Variants in NRTN observed in about 807,000 individuals in gnomAD.
NRTN encodes prepro-neurturin.
In NRTN, 3 loss-of-function variants were observed where a neutral mutation model predicts 7.5. The ratio of observed to expected loss-of-function variants is 0.40; its 90% CI spans 0.18 to 1.03. The LOEUF (loss-of-function observed/expected upper bound fraction) is 1.03, where lower values mean the gene tolerates loss of function less well. NRTN is among the 50% of genes least tolerant of loss of function. The probability of loss-of-function intolerance (pLI) is 0.34; values close to 1 mark genes in which losing one functional copy is unlikely to be tolerated. For missense variants in NRTN, 310 were observed against 307.0 expected (o/e 1.01, Z -0.07); for synonymous variants, 157 against 146.6 (o/e 1.07, Z -0.51).
At chr19:5,824,895 G>C (rs902939981) in intron 2 of NRTN, among the ~76,000 whole-genome samples, 1 of 152,128 alleles carries the variant, frequency 6.6e-6, no homozygotes, top group Non-Finnish European at 1.5e-5. Flanking sequence ...GGGGTCTTTC[G>C]GCTCAGCTGT....
intron 2 of NRTN, among the ~76,000 whole-genome samples, chr19:5,824,936 C>T (rs1024600656): frequency 1.8e-4 from 28 of 152,030 alleles, no homozygotes; most frequent in Admixed American, 7.9e-4. Flanking sequence ...CCTGAGGTCC[C>T]GTGGGGGCCA....
At chr19:5,813,907 C>G (rs140995817) in intron 1 of NRTN, among the ~76,000 whole-genome samples, 1 of 152,006 alleles carries the variant, frequency 6.6e-6, no homozygotes, top group African/African-American at 2.4e-5. Context: ...GCTTGGGAGG[C>G]TGAGGCAGGA....
intron 1 of NRTN, among the ~76,000 whole-genome samples, chr19:5,814,558 C>A (rs550389650): frequency 6.6e-6 from 1 of 152,054 alleles, no homozygotes; most frequent in African/African-American, 2.4e-5. Context: ...CTGGGGAGTT[C>A]GGTGGGAAGG....
At chr19:5,824,970 C>G (rs147781137) in intron 2 of NRTN, among the ~76,000 whole-genome samples, 2 of 151,930 alleles carry the variant, frequency 1.3e-5, no homozygotes, top group Non-Finnish European at 2.9e-5. Context: ...CCTGGGCATT[C>G]GCCTGGTTGG....
At chr19:5,818,643 C>T (rs2057013654) in intron 1 of NRTN, among the ~76,000 whole-genome samples, 1 of 152,042 alleles carries the variant, frequency 6.6e-6, no homozygotes, top group African/African-American at 2.4e-5. Flanking sequence ...CCTGTACCTA[C>T]AAATGTGTGT....
At chr19:5,814,627 A>G (rs2056999617) in intron 1 of NRTN, among the ~76,000 whole-genome samples, 1 of 152,214 alleles carries the variant, frequency 6.6e-6, no homozygotes, top group Admixed American at 6.5e-5. Context: ...ATTTCCTGGC[A>G]TCACCAAGGA....
Position 5,824,213 on chromosome 19 carries a change from C to T in NRTN, c.48C>T (p.Ser16=), listed in dbSNP as rs764835296. ...AAALASVLCS[S]VLSIWMCREG... is the part of the protein sequence containing the mutation. ...CCTTGGCCTCAGTGCTCTGCAGCTC[C>T]GTGCTGTCCATCTGGATGTGTCGAG... Residue 16 remains serine, a synonymous_variant, in exon 2 of 3, where the codon TCC becomes TCT. Coordinates refer to ENST00000303212, the MANE Select transcript of NRTN (RefSeq NM_004558.5). 8 of 1,611,880 alleles carry T rather than the reference C, an allele frequency of 5.0e-6. No homozygotes were observed. The highest frequency in any genetic ancestry group is 5.9e-6 in the Non-Finnish European group (7 of 1,179,936).
At position 5,827,945 on chromosome 19, in the gene NRTN, C is replaced by G; in HGVS notation, c.366C>G (p.Asp122Glu). 6.7e-7 allele frequency: 1 copy of G among 1,485,678 alleles called. No individual in the cohort carries two copies. The highest frequency in any genetic ancestry group is 1.3e-5 in the South Asian group (1 of 77,784). The allele number at this position is 1,485,678 out of a possible 1,614,324, so 92.0% of individuals were successfully genotyped here. A position where few individuals can be genotyped will look rare whatever the true frequency, so the allele number is the denominator to read the frequency against. Reference sequence around the variant, plus strand: ...AGCTGGGCCTGGGCTACGCGTCCGACGAGACGGTGCTGTTCCGCTACTGCG... The same window carrying G: ...AGCTGGGCCTGGGCTACGCGTCCGAGGAGACGGTGCTGTTCCGCTACTGCG... Reference protein sequence around the residue: ...VSELGLGYASDETVLFRYCAG... With the variant: ...VSELGLGYASEETVLFRYCAG... Residue 122 changes from aspartate to glutamate, a missense_variant, in exon 3 of 3, where the codon GAC (aspartate) becomes GAG (glutamate). Asp to Glu is a conservative substitution (Grantham distance 45, BLOSUM62 2). Coordinates refer to ENST00000303212, the MANE Select transcript of NRTN (RefSeq NM_004558.5).
intron 1 of NRTN, among the ~76,000 whole-genome samples, chr19:5,815,299 G>GT (rs1008622406): frequency 6.6e-5 from 10 of 152,126 alleles, no homozygotes; most frequent in Non-Finnish European, 1.3e-4. Context: ...TCATGCTTGA[G>GT]TGTGAGTGTG....
chr19:5,808,302 C>T (rs1311584342), intron 1 of NRTN, among the ~76,000 whole-genome samples: 1 of 152,212 alleles, frequency 6.6e-6, no homozygotes, highest in Admixed American at 6.5e-5. Context: ...CTTAGCCATG[C>T]CAGGCCTCAT....
chr19:5,819,469 C>A (rs978094495), intron 1 of NRTN, among the ~76,000 whole-genome samples: 2 of 152,130 alleles, frequency 1.3e-5, no homozygotes. Context: ...CAAGACTAAC[C>A]TGACCAACAT....
Position 5,824,065 on chromosome 19 carries a change from A to T in NRTN, c.-101A>T, listed in dbSNP as rs1024815911. 1.4e-6 allele frequency: 2 copies of T among 1,476,536 alleles called. No homozygotes were observed. Among genetic ancestry groups the T allele is most frequent in the Admixed American group, 1.7e-5 (1 of 59,074 alleles). The allele number at this position is 1,476,536 out of a possible 1,614,324, so 91.5% of individuals were successfully genotyped here. ...GACCATTCGGCAGGCGTTCAAAGTC[A>T]AAGGCCCCACACTGAGTCCTGGCCC... is the stretch of plus-strand genomic sequence containing the variant. On this transcript the variant is annotated 5_prime_UTR_variant, in exon 2 of 3. Transcript: ENST00000303212.
At chr19:5,807,956 C>T (rs113084715) in intron 1 of NRTN, among the ~76,000 whole-genome samples, 2 of 152,114 alleles carry the variant, frequency 1.3e-5, no homozygotes, top group South Asian at 2.1e-4. Context: ...GGTGGCATCC[C>T]CCTCTGGTCC....
At chr19:5,821,127 C>T (rs1421371346) in intron 1 of NRTN, among the ~76,000 whole-genome samples, 1 of 152,142 alleles carries the variant, frequency 6.6e-6, no homozygotes, top group Non-Finnish European at 1.5e-5. Context: ...GTGAATCTAG[C>T]CCCATTCAGG....
At chr19:5,820,340 G>A (rs1290023002) in intron 1 of NRTN, among the ~76,000 whole-genome samples, 1 of 147,498 alleles carries the variant, frequency 6.8e-6, no homozygotes, top group Non-Finnish European at 1.5e-5. Flanking sequence ...GCTGAGGTGG[G>A]TATATCACAA....
chr19:5,810,561 T>C (rs947883836), intron 1 of NRTN, among the ~76,000 whole-genome samples: 9 of 152,216 alleles, frequency 5.9e-5, no homozygotes, highest in Non-Finnish European at 1.2e-4. Context: ...CTCATCACAG[T>C]GTCTGCCTCT....
intron 2 of NRTN, among the ~76,000 whole-genome samples, chr19:5,825,939 T>C (rs187280585): frequency 2.2e-4 from 33 of 152,066 alleles, no homozygotes; most frequent in African/African-American, 3.9e-4. Context: ...TGGAGACCAT[T>C]CTGGCTAACA....
rs571144736 is a variant in NRTN, at chr19:5,818,870, C to T, written c.-398-4898C>T. 2.0e-5 allele frequency among the ~76,000 whole-genome samples: 3 copies of T among 151,968 alleles called. No individual in the cohort carries two copies. In the South Asian group the frequency reaches 6.2e-4, roughly 32 times the overall value. On this transcript the variant is annotated intron_variant, in intron 1 of 2. Transcript: ENST00000303212. Reference sequence around the variant, plus strand: ...CTGCTAATCAGCCCTGCCTGCTGGGCCCCCTCCGCCAATGGCCCCCCGATT... The same window carrying T: ...CTGCTAATCAGCCCTGCCTGCTGGGTCCCCTCCGCCAATGGCCCCCCGATT...
chr19:5,817,627 A>C (rs1568397859), intron 1 of NRTN, among the ~76,000 whole-genome samples: 2 of 127,184 alleles, frequency 1.6e-5, no homozygotes, highest in African/African-American at 6.2e-5. Flanking sequence ...AAAGAAAAAG[A>C]AGAAGGCAGG....
Sources: allele counts gnomAD v4.1 joint callset (sites outside exome capture counted in the v4.1 genomes callset), GRCh38; gene constraint gnomAD v4.1.1; transcripts MANE v1.5; gene names NCBI Gene and HGNC (gene_info 2026-07-23, HGNC 2026-07-21).